The following TAF1B variants were observed in gnomAD, a reference collection of about 807,000 sequenced individuals.
The protein encoded by TAF1B is TATA box-binding protein-associated factor RNA polymerase I subunit B.
A neutral mutation model predicts 83.9 loss-of-function variants in TAF1B; 61 were observed. The observed-to-expected ratio is 0.73, with a 90% CI of 0.59 to 0.90. TAF1B has a LOEUF of 0.90. Ranked by LOEUF, TAF1B falls within the 40% of genes least tolerant of loss-of-function variation. The probability of loss-of-function intolerance (pLI) is 0.00; values close to 1 mark genes in which losing one functional copy is unlikely to be tolerated. For missense variants in TAF1B, 625 were observed against 677.0 expected (o/e 0.92, Z 0.85); for synonymous variants, 221 against 224.6 (o/e 0.98, Z 0.14).
chr2:9,853,961 G>C (rs4669470), intron 4 of TAF1B, among the ~76,000 whole-genome samples: 34,008 of 152,014 alleles, frequency 0.22, 4,749 homozygotes, highest in East Asian at 0.31. Context: ...GATTTTTTCA[G>C]CATTTCTCAT....
intron 5 of TAF1B, among the ~76,000 whole-genome samples, chr2:9,860,659 T>C (rs1663723773): frequency 6.6e-6 from 1 of 152,106 alleles, no homozygotes; most frequent in South Asian, 2.1e-4. Context: ...TTGGGAACAA[T>C]GTGAAGTAAG....
intron 7 of TAF1B, among the ~76,000 whole-genome samples, chr2:9,878,573 T>C (rs1161314642): frequency 1.3e-5 from 2 of 152,204 alleles, no homozygotes; most frequent in Admixed American, 1.3e-4. Flanking sequence ...ATAAATTCAT[T>C]ACCCTGCAAA....
chr2:9,849,320 C>T (rs1047075407), intron 2 of TAF1B, 53 bp from the exon 3 acceptor site: 17 of 1,366,934 alleles, frequency 1.2e-5, no homozygotes, highest in Admixed American at 2.5e-5. Context: ...TGGAAAAATG[C>T]TTAGGGGGAT....
At chr2:9,919,226 C>G (rs1665794034) in intron 13 of TAF1B, 115 bp downstream of exon 13, 2 of 819,758 alleles carry the variant, frequency 2.4e-6, no homozygotes, top group Non-Finnish European at 3.9e-6. Context: ...AACAAATGTT[C>G]CAGGGCACAT....
Position 9,914,722 on chromosome 2 carries a change from C to T in TAF1B, c.1271+1473C>T, listed in dbSNP as rs373638365. 1.6e-4 allele frequency among the ~76,000 whole-genome samples: 24 copies of T among 152,226 alleles called. No homozygotes were observed. Among genetic ancestry groups the T allele is most frequent in the African/African-American group, 2.2e-4 (9 of 41,540 alleles). On this transcript the variant is annotated intron_variant, in intron 12 of 14. Transcript: ENST00000263663. The surrounding 1 kb of genome is among the most constrained non-coding windows in gnomAD (Gnocchi z 4.3). ...AAAATGGCACTTTCCAGGGAGGTAC[C>T]GGGCCCCAAGGTGGAGGCTGTCGAG...
intron 9 of TAF1B, 84 bp downstream of exon 9, chr2:9,905,090 C>T: frequency 8.1e-7 from 1 of 1,230,212 alleles, no homozygotes; most frequent in East Asian, 2.4e-5. Context: ...AAATCACAGA[C>T]TATTAGAACC....
At chr2:9,869,257 T>G (rs1223687295) in intron 6 of TAF1B, among the ~76,000 whole-genome samples, 2 of 152,054 alleles carry the variant, frequency 1.3e-5, no homozygotes, top group Non-Finnish European at 2.9e-5. Flanking sequence ...TGGAATCTAG[T>G]TCTGTCACCC....
At chr2:9,910,999 CT>C in intron 10 of TAF1B, 86 bp downstream of exon 10, 1 of 1,310,198 alleles carries the variant, frequency 7.6e-7, no homozygotes, top group Non-Finnish European at 1.0e-6. Flanking sequence ...CATGAAGACA[CT>C]TTAAAAAAAG....
intron 8 of TAF1B, among the ~76,000 whole-genome samples, chr2:9,902,609 A>G (rs1665215195): frequency 6.6e-6 from 1 of 152,252 alleles, no homozygotes; most frequent in African/African-American, 2.4e-5. Flanking sequence ...TTGTGAGATT[A>G]TATCACAATT....
chr2:9,881,202 T>G (rs1035266659), intron 7 of TAF1B, among the ~76,000 whole-genome samples: 2 of 151,972 alleles, frequency 1.3e-5, no homozygotes, highest in Non-Finnish European at 2.9e-5. Flanking sequence ...GGCATGGTGG[T>G]GGGTGCCTGT....
intron 12 of TAF1B, among the ~76,000 whole-genome samples, chr2:9,917,988 C>T (rs76854393): frequency 0.51 from 76,397 of 149,330 alleles, 22,505 homozygotes; most frequent in Non-Finnish European, 0.67. Flanking sequence ...AGGAGAATGG[C>T]GTGAACCCGG....
chr2:9,926,137 C>T (rs186469916), intron 14 of TAF1B, among the ~76,000 whole-genome samples: 2 of 152,134 alleles, frequency 1.3e-5, no homozygotes, highest in East Asian at 1.9e-4. Flanking sequence ...CCTCTGCCCC[C>T]CATTATTTGG....
At chr2:9,926,960 T>G (rs1440377941) in intron 14 of TAF1B, among the ~76,000 whole-genome samples, 4 of 152,054 alleles carry the variant, frequency 2.6e-5, no homozygotes, top group Admixed American at 6.6e-5. Context: ...CCATGTTGGT[T>G]TGCTGTACCC....
intron 12 of TAF1B, among the ~76,000 whole-genome samples, chr2:9,916,883 GGCTGGAGT>G (rs1665698933): frequency 1.0e-5 from 1 of 99,920 alleles, no homozygotes; most frequent in Non-Finnish European, 2.3e-5. Flanking sequence ...TTGTTGCCCA[GGCTGGAGT>G]GCTGGAGTGC....
At chr2:9,926,220 A>G (rs776415049) in intron 14 of TAF1B, among the ~76,000 whole-genome samples, 4 of 152,154 alleles carry the variant, frequency 2.6e-5, no homozygotes, top group Admixed American at 2.0e-4. Context: ...AAATTAAGTC[A>G]TTTCTTAATA....
chr2:9,901,118 G>GT (rs1188869228), intron 8 of TAF1B, among the ~76,000 whole-genome samples: 3 of 151,960 alleles, frequency 2.0e-5, no homozygotes, highest in Admixed American at 1.3e-4. Context: ...CTTTATACTG[G>GT]TTTAAAAATG....
intron 10 of TAF1B, 23 bp from the exon 11 acceptor site, chr2:9,911,488 G>T: frequency 6.7e-7 from 1 of 1,484,488 alleles, no homozygotes; most frequent in South Asian, 1.3e-5. Context: ...TAAATAAATT[G>T]ATTTGTTTAT....
intron 14 of TAF1B, among the ~76,000 whole-genome samples, chr2:9,932,901 G>A (rs764308097): frequency 3.3e-5 from 5 of 152,240 alleles, no homozygotes; most frequent in Non-Finnish European, 7.3e-5. Flanking sequence ...CCGCCTGCCA[G>A]GCTGCTGCCT....
chr2:9,858,702 C>T (rs1663646974), intron 5 of TAF1B, among the ~76,000 whole-genome samples: 1 of 152,238 alleles, frequency 6.6e-6, no homozygotes, highest in Non-Finnish European at 1.5e-5. Context: ...GGCCCATCGC[C>T]ACGTGGAAGC....
Sources: gnomAD v4.1 joint callset for allele counts (sites outside exome capture counted in the v4.1 genomes callset) on GRCh38, gnomAD v4.1.1 for gene constraint, Gnocchi (gnomAD v3.1) non-coding constraint, MANE v1.5 for transcripts, NCBI Gene and HGNC (gene_info 2026-07-23, HGNC 2026-07-21) for gene names.